The following TRIP12 variants were observed in gnomAD, a reference collection of about 807,000 sequenced individuals.
The protein encoded by TRIP12 is E3 ubiquitin-protein ligase TRIP12.
Under a neutral mutation model 244.2 loss-of-function variants are expected in TRIP12, and 25 were observed. The observed-to-expected ratio is 0.10, with a 90% confidence interval of 0.07 to 0.14. The LOEUF is 0.14. Among genes scored for constraint, TRIP12 ranks in the 10% least tolerant of loss-of-function variants. The pLI is 1.00. For synonymous variants in TRIP12, 905 were observed against 873.1 expected, an observed-to-expected ratio of 1.04 and a Z score of -0.64; for missense variants, 1,677 against 2,486.4, an observed-to-expected ratio of 0.67 and a Z score of 6.92.
chr2:229,914,976 G>T (rs2075095234), intron 1 of TRIP12, among the ~76,000 whole-genome samples: 1 of 152,184 alleles, frequency 6.6e-6, no homozygotes, highest in South Asian at 2.1e-4. Flanking sequence ...ATATTGGCCA[G>T]GCACAGTGGT....
intron 4 of TRIP12, among the ~76,000 whole-genome samples, chr2:229,855,405 G>A (rs2059419943): frequency 1.3e-5 from 2 of 152,038 alleles, no homozygotes; most frequent in South Asian, 4.1e-4. Context: ...GTTTTGAAAT[G>A]TTTTCATTTA....
chr2:229,874,523 T>C (rs1336053917), intron 2 of TRIP12, among the ~76,000 whole-genome samples: 1 of 152,210 alleles, frequency 6.6e-6, no homozygotes, highest in African/African-American at 2.4e-5. Flanking sequence ...CAAATTTAAA[T>C]CATGGGCTTT....
At chr2:229,829,954 A>G (rs1165027557) in intron 7 of TRIP12, among the ~76,000 whole-genome samples, 2 of 152,202 alleles carry the variant, frequency 1.3e-5, no homozygotes, top group Non-Finnish European at 2.9e-5. Flanking sequence ...GTCTCAAAAC[A>G]ATCAAACAAA....
At chr2:229,800,793 T>C (rs1023499174) in intron 21 of TRIP12, among the ~76,000 whole-genome samples, 1 of 152,110 alleles carries the variant, frequency 6.6e-6, no homozygotes, top group South Asian at 2.1e-4. Flanking sequence ...CTGGGCATGC[T>C]AGCACATGCC....
chr2:229,907,825 T>C (rs868403593), intron 1 of TRIP12, among the ~76,000 whole-genome samples: 2 of 152,200 alleles, frequency 1.3e-5, no homozygotes, highest in South Asian at 2.1e-4. Flanking sequence ...AAATTAATAA[T>C]AATAATAGTT....
At chr2:229,784,517 A>G (rs957136835) in intron 34 of TRIP12, among the ~76,000 whole-genome samples, 5 of 61,852 alleles carry the variant, frequency 8.1e-5, no homozygotes, top group Non-Finnish European at 1.5e-4. Flanking sequence ...AAACAAGAAA[A>G]AAAAAAAAAA....
At chr2:229,813,538 C>T (rs1175387244) in intron 13 of TRIP12, among the ~76,000 whole-genome samples, 3 of 152,078 alleles carry the variant, frequency 2.0e-5, no homozygotes, top group Non-Finnish European at 4.4e-5. Context: ...AATCCCAGCA[C>T]TATGGGGGGC....
rs746031795 is a variant in TRIP12, at chr2:229,859,209, G to C, written c.590C>G (p.Ser197Cys). The change falls in exon 4 of 42, where the codon TCT becomes TGT. Residue 197 changes from serine (S) to cysteine (C), a missense_variant. This residue lies in a region of TRIP12 where 387 missense variants were observed against 392.6 expected (regional missense o/e 0.99). Coordinates refer to ENST00000675903, the MANE Select transcript of TRIP12 (RefSeq NM_001348323.3). ...AGACCCGGAGCCACTCTTTACACAA[G>C]AACTCTCTGTCCTTTTTCTTTTCTG... Reference protein sequence around the residue: ...RSQKRKRTESSCVKSGSGSES... With the variant: ...RSQKRKRTESCCVKSGSGSES... 18 of 1,614,030 alleles carry C rather than the reference G, an allele frequency of 1.1e-5. No individual in the cohort carries two copies. The highest frequency in any genetic ancestry group is 1.6e-4 in the Middle Eastern group (1 of 6,084).
intron 1 of TRIP12, among the ~76,000 whole-genome samples, chr2:229,894,047 C>T (rs927434813): frequency 6.6e-6 from 1 of 152,010 alleles, no homozygotes; most frequent in Non-Finnish European, 1.5e-5. Flanking sequence ...CCCAGCTACT[C>T]GGGAGGCTGA....
chr2:229,833,256 G>A (rs1559724301), intron 6 of TRIP12, among the ~76,000 whole-genome samples: 1 of 151,954 alleles, frequency 6.6e-6, no homozygotes, highest in Non-Finnish European at 1.5e-5. Flanking sequence ...ATTATAGCAG[G>A]GTCCCAACCT....
At chr2:229,913,816 G>A (rs2074824634) in intron 1 of TRIP12, among the ~76,000 whole-genome samples, 1 of 152,062 alleles carries the variant, frequency 6.6e-6, no homozygotes, top group East Asian at 1.9e-4. Context: ...ACCTTGAAGA[G>A]GCCAAAAACC....
At chr2:229,772,153 G>C (rs2034577867) in intron 38 of TRIP12, among the ~76,000 whole-genome samples, 1 of 152,126 alleles carries the variant, frequency 6.6e-6, no homozygotes, top group African/African-American at 2.4e-5. Flanking sequence ...CAATTGAAGG[G>C]TAAGAAAAAG....
intron 4 of TRIP12, among the ~76,000 whole-genome samples, chr2:229,853,679 A>ATAAAATAC (rs1363269614): frequency 4.0e-5 from 6 of 151,410 alleles, no homozygotes; most frequent in Non-Finnish European, 5.9e-5. Context: ...AAATAAATAA[A>ATAAAATAC]ATACATACAT....
chr2:229,920,773 G>A (rs370838618), intron 1 of TRIP12, among the ~76,000 whole-genome samples: 1 of 152,080 alleles, frequency 6.6e-6, no homozygotes, highest in Admixed American at 6.5e-5. Context: ...GGAAATGAAG[G>A]ATTTCTTATT....
chr2:229,862,367 T>C (rs373629186), intron 2 of TRIP12, among the ~76,000 whole-genome samples: 16 of 152,208 alleles, frequency 1.1e-4, no homozygotes, highest in African/African-American at 3.9e-4. Context: ...AATCATTCCA[T>C]AGTTATTCTA....
At chr2:229,833,373 C>A (rs970741593) in intron 6 of TRIP12, among the ~76,000 whole-genome samples, 1 of 152,106 alleles carries the variant, frequency 6.6e-6, no homozygotes, top group Non-Finnish European at 1.5e-5. Flanking sequence ...CTGCAACTTC[C>A]GCCTCCAGGG....
intron 32 of TRIP12, 65 bp from the exon 33 acceptor site, chr2:229,787,726 C>A: frequency 1.2e-5 from 16 of 1,363,540 alleles, no homozygotes; most frequent in South Asian, 4.6e-5. Flanking sequence ...AAAAAAAAAT[C>A]CAAACTTATA....
chr2:229,921,471 A>G (rs1365293842), intron 1 of TRIP12: 1 of 41,346 alleles, frequency 2.4e-5, no homozygotes, highest in African/African-American at 1.0e-4. Context: ...CCGGCCCCCC[A>G]CTTTCTCTCT....
chr2:229,795,103 C>G, intron 26 of TRIP12, 76 bp downstream of exon 26: 1 of 1,530,616 alleles, frequency 6.5e-7, no homozygotes, highest in Non-Finnish European at 8.8e-7. Context: ...CTTTACCAGA[C>G]CTCTTGCCAT....
Sources: gnomAD v4.1 joint callset for allele counts (sites outside exome capture counted in the v4.1 genomes callset) on GRCh38, gnomAD v4.1.1 for gene constraint, gnomAD v4.1.1 regional missense constraint, MANE v1.5 for transcripts, NCBI Gene and HGNC (gene_info 2026-07-23, HGNC 2026-07-21) for gene names.